Variants in RP1 observed in about 807,000 individuals in gnomAD.
RP1 encodes the protein RP1 axonemal microtubule associated.
A neutral mutation model predicts 14.8 loss-of-function variants in RP1; 16 were observed. The ratio of observed to expected loss-of-function variants is 1.08; its 90% CI spans 0.73 to 1.65. The LOEUF (loss-of-function observed/expected upper bound fraction) is 1.65. RP1 is among the 40% of genes most tolerant of loss of function. The pLI is 0.00. For synonymous variants in RP1, 876 were observed against 883.6 expected (o/e 0.99, Z 0.15); for missense variants, 2,631 against 2,535.0 (o/e 1.04, Z -0.81).
chr8:54,840,252 CATTATT>C (rs945755233), intron 25 of RP1, among the ~76,000 whole-genome samples: 5 of 151,438 alleles, frequency 3.3e-5, no homozygotes, highest in Non-Finnish European at 7.4e-5. Flanking sequence ...TTAATGGCTG[CATTATT>C]ATTATTATTA....
chr8:54,770,512 A>G (rs1050709695), downstream of RP1, among the ~76,000 whole-genome samples: 4 of 151,054 alleles, frequency 2.6e-5, no homozygotes, highest in African/African-American at 9.6e-5. Flanking sequence ...AAAACACAGT[A>G]TATTTAAAAG....
chr8:54,787,775 C>A (rs991858131), intron 24 of RP1, among the ~76,000 whole-genome samples: 6 of 152,086 alleles, frequency 3.9e-5, no homozygotes, highest in Non-Finnish European at 5.9e-5. Context: ...ATTGAATATC[C>A]CTTATGCTCC....
downstream of RP1, among the ~76,000 whole-genome samples, chr8:54,633,267 G>A (rs926501398): frequency 6.6e-6 from 1 of 152,130 alleles, no homozygotes; most frequent in African/African-American, 2.4e-5. Flanking sequence ...CAGCTGTCAA[G>A]AATCATCAGA....
intron 28 of RP1, among the ~76,000 whole-genome samples, chr8:54,867,147 G>T (rs1812476268): frequency 6.6e-6 from 1 of 152,060 alleles, no homozygotes; most frequent in South Asian, 2.1e-4. Context: ...CTAAAGTGAG[G>T]GACACTCTTC....
chr8:54,694,924 T>G (rs942903260), intron 12 of RP1, among the ~76,000 whole-genome samples: 2 of 152,220 alleles, frequency 1.3e-5, no homozygotes, highest in Non-Finnish European at 2.9e-5. Context: ...GATGTCAATT[T>G]TGGATCTTTC....
At position 54,621,590 on chromosome 8, in the gene RP1, T is replaced by A; in HGVS notation, c.615+9T>A. ...CTACGGACGGAAGGAGGGTGAGCGT[T>A]CTGGGGGCTCCTCGAGCCTGAGCTC... is the stretch of plus-strand genomic sequence containing the variant. On this transcript the variant is annotated intron_variant, in intron 2 of 3. Transcript: ENST00000220676. The A allele has an allele frequency of 6.2e-7, 1 of 1,614,042 alleles. No homozygotes were observed. Among genetic ancestry groups the A allele is most frequent in the Non-Finnish European group, 8.5e-7 (1 of 1,180,010 alleles).
chr8:54,648,915 T>A, intron 3 of RP1: 1 of 1,141,938 alleles, frequency 8.8e-7, no homozygotes, highest in Non-Finnish European at 1.2e-6. Context: ...AGTTTTATGA[T>A]GACCTGCTGT....
chr8:54,571,221 C>T (rs1254771077), intron 1 of RP1, among the ~76,000 whole-genome samples: 3 of 152,302 alleles, frequency 2.0e-5, no homozygotes, highest in Admixed American at 1.3e-4. Context: ...TCTGTGTAAA[C>T]CTCATTGGCT....
At chr8:54,858,311 T>C (rs1042302808) in intron 27 of RP1, among the ~76,000 whole-genome samples, 1 of 152,108 alleles carries the variant, frequency 6.6e-6, no homozygotes, top group Non-Finnish European at 1.5e-5. Context: ...AAGTAAGAAA[T>C]AGAATAGAGG....
At chr8:54,561,953 T>G (rs1356568782) in intron 1 of RP1, 1 of 152,214 alleles carries the variant, frequency 6.6e-6, no homozygotes, top group Non-Finnish European at 1.5e-5. Context: ...AGAAGGTATT[T>G]CAAATTTTTG....
chr8:54,856,117 G>A (rs955700511), intron 26 of RP1, among the ~76,000 whole-genome samples: 5 of 152,302 alleles, frequency 3.3e-5, no homozygotes, highest in Admixed American at 3.3e-4. Context: ...GTAATATTCA[G>A]TAATGAAAAT....
At chr8:54,792,915 G>A (rs1810500795) in intron 24 of RP1, among the ~76,000 whole-genome samples, 1 of 151,658 alleles carries the variant, frequency 6.6e-6, no homozygotes, top group African/African-American at 2.4e-5. Flanking sequence ...TTAGTTTTTG[G>A]AAAAGATAAA....
At chr8:54,746,201 A>G (rs1382681152) in intron 19 of RP1, among the ~76,000 whole-genome samples, 1 of 152,208 alleles carries the variant, frequency 6.6e-6, no homozygotes, top group Non-Finnish European at 1.5e-5. Flanking sequence ...TTTCTAAACA[A>G]GTGTTTGTTG....
exon 11 of RP1, chr8:54,679,607 G>C (rs1298919091): frequency 1.3e-6 from 2 of 1,535,786 alleles, no homozygotes; most frequent in African/African-American, 2.7e-5. Flanking sequence ...GCAGAAATTG[G>C]AACTTAAGAG....
At chr8:54,849,309 G>A (rs1812005534) in intron 25 of RP1, among the ~76,000 whole-genome samples, 1 of 151,980 alleles carries the variant, frequency 6.6e-6, no homozygotes, top group South Asian at 2.1e-4. Flanking sequence ...AGACTAAGCA[G>A]CTGAGTTCAT....
chr8:54,762,771 G>C (rs1809670309), intron 22 of RP1, among the ~76,000 whole-genome samples: 2 of 152,168 alleles, frequency 1.3e-5, no homozygotes, highest in African/African-American at 4.8e-5. Context: ...GGGCCTCACT[G>C]TCTCGGAAGG....
At chr8:54,871,206 C>T (rs1812582350) in exon 29 of RP1, 1 of 151,894 alleles carries the variant, frequency 6.6e-6, no homozygotes, top group East Asian at 1.9e-4. Context: ...TCCTAAAACA[C>T]ATTAAAATAA....
intron 24 of RP1, among the ~76,000 whole-genome samples, chr8:54,813,632 A>G (rs1811066353): frequency 1.3e-5 from 2 of 152,224 alleles, no homozygotes; most frequent in Non-Finnish European, 2.9e-5. Flanking sequence ...GAAATATTCT[A>G]TAAATATTTG....
intron 24 of RP1, among the ~76,000 whole-genome samples, chr8:54,823,741 A>G (rs58216040): frequency 0.32 from 47,952 of 152,054 alleles, 7,723 homozygotes; most frequent in South Asian, 0.37. Flanking sequence ...TGGGGCTGTT[A>G]TAAATAAAGA....
Sources: allele counts gnomAD v4.1 joint callset (sites outside exome capture counted in the v4.1 genomes callset), GRCh38; gene constraint gnomAD v4.1.1; transcripts MANE v1.5; gene names NCBI Gene and HGNC (gene_info 2026-07-23, HGNC 2026-07-21).